Variants in CNTNAP5 observed in about 807,000 individuals in gnomAD.
CNTNAP5 encodes the protein contactin-associated protein-like 5.
CNTNAP5 carries 72 observed loss-of-function variants against 150.2 expected under a neutral mutation model. The ratio of observed to expected loss-of-function variants is 0.48; its 90% CI spans 0.40 to 0.58. CNTNAP5 has a LOEUF of 0.58. Among genes scored for constraint, CNTNAP5 ranks in the 20% least tolerant of loss-of-function variants. The pLI, the probability that CNTNAP5 is intolerant of heterozygous loss-of-function variation, is 0.00. For synonymous variants in CNTNAP5, 672 were observed against 619.8 expected, an observed-to-expected ratio of 1.08 and a Z score of -1.25; for missense variants, 1,636 against 1,626.2, an observed-to-expected ratio of 1.01 and a Z score of -0.10.
chr2:124,903,823 G>A (rs903907801), intron 22 of CNTNAP5, among the ~76,000 whole-genome samples: 3 of 152,026 alleles, frequency 2.0e-5, no homozygotes, highest in African/African-American at 4.8e-5. Context: ...GGAGGCAAAC[G>A]CAGGAGGATC....
intron 1 of CNTNAP5, among the ~76,000 whole-genome samples, chr2:124,035,385 GTTC>G (rs1558732582): frequency 2.8e-5 from 3 of 108,278 alleles, no homozygotes; most frequent in Non-Finnish European, 3.8e-5. Flanking sequence ...TCTTCCCCAT[GTTC>G]TTCTACTCCT....
At chr2:124,694,782 A>G (rs1310944267) in intron 13 of CNTNAP5, among the ~76,000 whole-genome samples, 3 of 152,106 alleles carry the variant, frequency 2.0e-5, no homozygotes, top group Admixed American at 6.6e-5. Flanking sequence ...TTTTTTTTCC[A>G]AATCCTGGCA....
chr2:124,556,907 T>C (rs1695768862), intron 10 of CNTNAP5, among the ~76,000 whole-genome samples: 1 of 151,766 alleles, frequency 6.6e-6, no homozygotes, highest in African/African-American at 2.4e-5. Flanking sequence ...GTGAGCTGGA[T>C]GGGTAAATTG....
intron 4 of CNTNAP5, among the ~76,000 whole-genome samples, chr2:124,426,653 C>T (rs1472371453): frequency 6.6e-6 from 1 of 152,182 alleles, no homozygotes; most frequent in African/African-American, 2.4e-5. Flanking sequence ...CTGGCCCACT[C>T]AGGAGCCCAG....
At chr2:124,904,072 A>AC (rs1331533934) in intron 22 of CNTNAP5, among the ~76,000 whole-genome samples, 3 of 150,832 alleles carry the variant, frequency 2.0e-5, no homozygotes, top group African/African-American at 7.3e-5. Flanking sequence ...AAACAAAAAA[A>AC]AAAAAACCAA....
intron 1 of CNTNAP5, among the ~76,000 whole-genome samples, chr2:124,219,835 A>C (rs982475714): frequency 2.6e-5 from 4 of 152,070 alleles, no homozygotes; most frequent in Non-Finnish European, 4.4e-5. Context: ...CTTCTGCCAG[A>C]GGTAAAATGG....
chr2:124,113,043 C>T (rs534581807), intron 1 of CNTNAP5, among the ~76,000 whole-genome samples: 1 of 152,212 alleles, frequency 6.6e-6, no homozygotes, highest in South Asian at 2.1e-4. Context: ...GATACACTGC[C>T]TGTGAATGTA....
intron 1 of CNTNAP5, among the ~76,000 whole-genome samples, chr2:124,055,158 A>T (rs1331356972): frequency 2.0e-5 from 3 of 152,230 alleles, no homozygotes; most frequent in Non-Finnish European, 4.4e-5. Flanking sequence ...TCCTGACATC[A>T]TGAGATACAG....
At chr2:124,451,073 T>C (rs1378929990) in intron 6 of CNTNAP5, among the ~76,000 whole-genome samples, 17 of 97,732 alleles carry the variant, frequency 1.7e-4, no homozygotes, top group South Asian at 1.1e-3. Context: ...TATATATATA[T>C]ATATACACAC....
At chr2:124,517,678 T>A (rs1369280737) in intron 8 of CNTNAP5, among the ~76,000 whole-genome samples, 1 of 140,222 alleles carries the variant, frequency 7.1e-6, no homozygotes, top group Non-Finnish European at 1.5e-5. Flanking sequence ...GATGGAGGGT[T>A]GTGGTGTTTG....
chr2:124,040,068 G>A (rs1047356070), intron 1 of CNTNAP5, among the ~76,000 whole-genome samples: 2 of 152,122 alleles, frequency 1.3e-5, no homozygotes, highest in Non-Finnish European at 2.9e-5. Context: ...CATTTGGATG[G>A]AAATTAATAT....
At chr2:124,499,273 G>T (rs1442027651) in intron 7 of CNTNAP5, among the ~76,000 whole-genome samples, 1 of 152,056 alleles carries the variant, frequency 6.6e-6, no homozygotes, top group African/African-American at 2.4e-5. Context: ...TGTAAGGCAT[G>T]GGCAGTTATC....
At chr2:124,529,631 T>C (rs997939854) in intron 10 of CNTNAP5, among the ~76,000 whole-genome samples, 5 of 152,168 alleles carry the variant, frequency 3.3e-5, no homozygotes, top group Admixed American at 3.3e-4. Flanking sequence ...TGGTGTTTCA[T>C]TTTTAATGTG....
chr2:124,668,486 C>A (rs1044095306), intron 13 of CNTNAP5, among the ~76,000 whole-genome samples: 4 of 152,024 alleles, frequency 2.6e-5, no homozygotes, highest in African/African-American at 7.3e-5. Context: ...CAGGGAGAGG[C>A]CTTCATAATT....
At chr2:124,513,228 C>T (rs1694634194) in intron 8 of CNTNAP5, among the ~76,000 whole-genome samples, 1 of 152,150 alleles carries the variant, frequency 6.6e-6, no homozygotes, top group Non-Finnish European at 1.5e-5. Flanking sequence ...AGATGGTTGT[C>T]TTTTTCTGTC....
At chr2:124,642,198 T>G (rs926662828) in intron 12 of CNTNAP5, among the ~76,000 whole-genome samples, 10 of 152,176 alleles carry the variant, frequency 6.6e-5, no homozygotes, top group African/African-American at 2.2e-4. Context: ...ACCACACTGA[T>G]GCGAATACAA....
rs116866867 is a variant in CNTNAP5, at chr2:124,032,803, C to T, written c.82+7071C>T. Among the ~76,000 whole-genome samples, 237 of 152,276 alleles carry T rather than the reference C, an allele frequency of 1.6e-3. 2 individuals are homozygous for T. The East Asian group carries it at 0.027, about 18-fold the overall frequency. ...GAAGTTCTTCTCTGGGAATACCAAA[C>T]GACCATATTCTCAGTGCAGTATATT... On this transcript the variant is annotated intron_variant, in intron 1 of 23. Coordinates refer to ENST00000682447, the MANE Select transcript of CNTNAP5 (RefSeq NM_001367498.1).
chr2:124,194,233 A>ATCC (rs1197578015), intron 1 of CNTNAP5, among the ~76,000 whole-genome samples: 32 of 151,398 alleles, frequency 2.1e-4, no homozygotes, highest in African/African-American at 7.5e-4. Flanking sequence ...CATCCTCCTC[A>ATCC]TCCCCTCCCC....
intron 10 of CNTNAP5, among the ~76,000 whole-genome samples, chr2:124,530,204 G>T (rs1438121315): frequency 6.6e-6 from 1 of 152,122 alleles, no homozygotes; most frequent in East Asian, 1.9e-4. Context: ...CAGCTACTTG[G>T]GAGGCTGAGA....
Sources: gnomAD v4.1 joint callset for allele counts (sites outside exome capture counted in the v4.1 genomes callset) on GRCh38, gnomAD v4.1.1 for gene constraint, MANE v1.5 for transcripts, NCBI Gene and HGNC (gene_info 2026-07-23, HGNC 2026-07-21) for gene names.